The following GRM4 variants were observed in gnomAD, a reference collection of about 807,000 sequenced individuals.
GRM4 encodes the protein metabotropic glutamate receptor 4.
GRM4 carries 28 observed loss-of-function variants against 81.7 expected under a neutral mutation model. The observed-to-expected ratio is 0.34, with a 90% CI of 0.25 to 0.47. The LOEUF (loss-of-function observed/expected upper bound fraction) is 0.47. Ranked by LOEUF, GRM4 falls within the 20% of genes least tolerant of loss-of-function variation. The pLI is 1.00. For missense variants in GRM4, 948 were observed against 1,290.0 expected (o/e 0.73, Z 4.06); for synonymous variants, 488 against 528.8 (o/e 0.92, Z 1.06).
intron 6 of GRM4, among the ~76,000 whole-genome samples, chr6:34,044,285 C>T (rs1581608133): frequency 6.6e-6 from 1 of 151,308 alleles, no homozygotes. Flanking sequence ...CATACACACA[C>T]ACATAGACAT....
intron 2 of GRM4, among the ~76,000 whole-genome samples, chr6:34,131,962 A>C (rs1561831423): frequency 1.3e-5 from 2 of 149,640 alleles, no homozygotes; most frequent in African/African-American, 2.5e-5. Flanking sequence ...AACATGCACA[A>C]ACACACACAC....
At chr6:34,075,146 A>G (rs1767248546) in intron 3 of GRM4, among the ~76,000 whole-genome samples, 1 of 151,714 alleles carries the variant, frequency 6.6e-6, no homozygotes, top group Admixed American at 6.6e-5. Flanking sequence ...CCTCAGCCTG[A>G]CTGCATGGCT....
At chr6:34,142,810 G>C (rs1396774482) in intron 1 of GRM4, among the ~76,000 whole-genome samples, 1 of 152,216 alleles carries the variant, frequency 6.6e-6, no homozygotes. Context: ...ACGCAGGTTG[G>C]GGGAGGAGGG....
chr6:34,097,108 G>T (rs139707173), intron 2 of GRM4, among the ~76,000 whole-genome samples: 22 of 152,346 alleles, frequency 1.4e-4, no homozygotes, highest in African/African-American at 5.3e-4. Context: ...GCCGTCAGCG[G>T]GCTCCAATCT....
chr6:34,042,933 C>T lies in GRM4; in HGVS notation c.1169-2185G>A, dbSNP rs548131060. ...TGGCCTGGTCGCTCATTAACCCTGC[C>T]AGCCAGAACCACATCCCATTTTCAG... On this transcript the variant is annotated intron_variant, in intron 6 of 10. Coordinates refer to ENST00000538487, the MANE Select transcript of GRM4 (RefSeq NM_000841.4). This position sits in a 1 kb window ranked among gnomAD's most constrained non-coding sequence, Gnocchi z 4.2. Among the ~76,000 whole-genome samples, 5 of 152,212 alleles carry T rather than the reference C, an allele frequency of 3.3e-5. No homozygotes were observed. Among genetic ancestry groups the T allele is most frequent in the Non-Finnish European group, 7.3e-5 (5 of 68,030 alleles).
chr6:34,154,961 G>T (rs1581749199), intron 1 of GRM4: 2 of 794,188 alleles, frequency 2.5e-6, no homozygotes, highest in East Asian at 3.3e-5. Context: ...TGCACCCAGC[G>T]GCCGGGCCTG....
At chr6:34,126,738 G>C (rs1452598023) in intron 2 of GRM4, among the ~76,000 whole-genome samples, 1 of 152,224 alleles carries the variant, frequency 6.6e-6, no homozygotes, top group Non-Finnish European at 1.5e-5. Context: ...GCAGACATGG[G>C]GGCTGCAGAG....
intron 2 of GRM4, among the ~76,000 whole-genome samples, chr6:34,095,575 G>A (rs925411928): frequency 3.9e-5 from 6 of 152,188 alleles, no homozygotes; most frequent in South Asian, 2.1e-4. Context: ...TCAGAACAGT[G>A]CCTGGCAGGC....
intron 3 of GRM4, among the ~76,000 whole-genome samples, chr6:34,071,406 CCACA>C (rs1383981880): frequency 4.9e-5 from 1 of 20,208 alleles, no homozygotes. Context: ...TGGATAAACA[CCACA>C]CAGACACACA....
At chr6:34,134,962 A>G (rs1770400890) in intron 1 of GRM4, among the ~76,000 whole-genome samples, 2 of 151,792 alleles carry the variant, frequency 1.3e-5, no homozygotes, top group Non-Finnish European at 2.9e-5. Context: ...CCTCCCCACC[A>G]CTTAGGAGGC....
At position 34,136,553 on chromosome 6, in the gene GRM4, C is replaced by A. The variant is rs1476045626; in HGVS notation, c.-363-2694G>T. Among the ~76,000 whole-genome samples, 3 of 129,946 alleles carry A rather than the reference C, an allele frequency of 2.3e-5. No individual in the cohort carries two copies. Among genetic ancestry groups the A allele is most frequent in the Non-Finnish European group, 4.9e-5 (3 of 60,978 alleles). The allele number at this position is 129,946 out of a possible 152,430, so 85.2% of individuals were successfully genotyped here. A position where few individuals can be genotyped will look rare whatever the true frequency, so the allele number is the denominator to read the frequency against. ...GCACGTCTGGGCTGAGCAGTGCATG[C>A]GCGCGTGCGGACACACACACACACA... On this transcript the variant is annotated intron_variant, in intron 1 of 10. Coordinates refer to ENST00000538487, the MANE Select transcript of GRM4 (RefSeq NM_000841.4). The surrounding 1 kb of genome is among the most constrained non-coding windows in gnomAD (Gnocchi z 4.1).
At chr6:34,026,099 C>T (rs145973717) in intron 10 of GRM4, among the ~76,000 whole-genome samples, 3 of 152,284 alleles carry the variant, frequency 2.0e-5, no homozygotes, top group Non-Finnish European at 4.4e-5. Context: ...TGACAGTCCC[C>T]GTTTGTCACC....
intron 8 of GRM4, among the ~76,000 whole-genome samples, chr6:34,038,250 G>A (rs1764819040): frequency 6.6e-6 from 1 of 152,244 alleles, no homozygotes; most frequent in South Asian, 2.1e-4. Flanking sequence ...TCTCCTCTCT[G>A]AGCCTTTGTT....
At chr6:34,046,964 G>A (rs1384367559) in intron 6 of GRM4, among the ~76,000 whole-genome samples, 2 of 152,232 alleles carry the variant, frequency 1.3e-5, no homozygotes, top group East Asian at 3.9e-4. Context: ...CCATCAGAGG[G>A]CTGTCTGGTG....
At chr6:34,056,137 GCCTAGGAGCCAAACTGGTGCTT>G (rs1469416280) in intron 6 of GRM4, 1 of 183,052 alleles carries the variant, frequency 5.5e-6, no homozygotes, top group African/African-American at 2.4e-5. Context: ...GCAAGGCACG[GCCTAGGAGCCAAACTGGTGCTT>G]GCTGAGTGAC....
intron 6 of GRM4, chr6:34,055,410 C>T (rs1765819868): frequency 1.3e-5 from 2 of 152,314 alleles, no homozygotes; most frequent in South Asian, 2.1e-4. Context: ...CTGCAAGTCC[C>T]CGTGGGCTCT....
At position 34,080,869 on chromosome 6, in the gene GRM4, T is replaced by TACAC. The variant is rs771261677; in HGVS notation, c.736+11013_736+11014insGTGT. On this transcript the variant is annotated intron_variant, in intron 3 of 10. Transcript: ENST00000538487. This position sits in a 1 kb window ranked among gnomAD's most constrained non-coding sequence, Gnocchi z 5.4. ...ACATACACACACACATACACATACA[T>TACAC]ATACACACACACACACACACAACCC... 1.5e-4 allele frequency among the ~76,000 whole-genome samples: 12 copies of TACAC among 77,754 alleles called. No homozygotes were observed. The highest frequency in any genetic ancestry group is 7.6e-4 in the African/African-American group (11 of 14,482). 51.0% of individuals were successfully genotyped at this position (77,754 alleles called of 152,430 possible). A position where few individuals can be genotyped will look rare whatever the true frequency, so the allele number is the denominator to read the frequency against.
intron 1 of GRM4, among the ~76,000 whole-genome samples, chr6:34,154,577 G>T (rs1393269725): frequency 7.2e-6 from 1 of 139,162 alleles, no homozygotes; most frequent in East Asian, 2.2e-4. Context: ...TTAGATGGAC[G>T]GATGGTCCTG....
At chr6:34,145,053 T>C (rs1033024551) in intron 1 of GRM4, among the ~76,000 whole-genome samples, 1 of 151,760 alleles carries the variant, frequency 6.6e-6, no homozygotes, top group Non-Finnish European at 1.5e-5. Flanking sequence ...GAGGGCACGG[T>C]CCCCTCTGTC....
Sources: allele counts gnomAD v4.1 joint callset (sites outside exome capture counted in the v4.1 genomes callset), GRCh38; gene constraint gnomAD v4.1.1; non-coding constraint Gnocchi (gnomAD v3.1); transcripts MANE v1.5; gene names NCBI Gene and HGNC (gene_info 2026-07-23, HGNC 2026-07-21).